Variants in CCDC190 observed in about 807,000 individuals in gnomAD.
CCDC190 encodes coiled-coil domain-containing protein 190.
Under a neutral mutation model 13.1 loss-of-function variants are expected in CCDC190, and 10 were observed. The ratio of observed to expected loss-of-function variants is 0.77; its 90% confidence interval spans 0.47 to 1.30. The LOEUF (loss-of-function observed/expected upper bound fraction) is 1.30, where lower values mean the gene tolerates loss of function less well. CCDC190 is among the 50% of genes most tolerant of loss of function. The pLI, the probability that CCDC190 is intolerant of heterozygous loss-of-function variation, is 0.00. For missense variants in CCDC190, 375 were observed against 354.3 expected, an observed-to-expected ratio of 1.06 and a Z score of -0.47; for synonymous variants, 136 against 127.2, an observed-to-expected ratio of 1.07 and a Z score of -0.47.
At chr1:162,865,020 T>C (rs758246632), upstream of CCDC190, among the ~76,000 whole-genome samples, 2 of 152,074 alleles carry the variant, frequency 1.3e-5, no homozygotes, top group Non-Finnish European at 2.9e-5. Flanking sequence ...AAAACACTTT[T>C]GTAAAGTATG....
At chr1:162,858,378 C>T (rs1650383317) in intron 2 of CCDC190, among the ~76,000 whole-genome samples, 1 of 152,172 alleles carries the variant, frequency 6.6e-6, no homozygotes, top group Non-Finnish European at 1.5e-5. Context: ...GCTTCTAAGA[C>T]CCTTTTCCAG....
intron 2 of CCDC190, among the ~76,000 whole-genome samples, chr1:162,856,499 C>T (rs1412484378): frequency 1.3e-5 from 2 of 152,170 alleles, no homozygotes; most frequent in Non-Finnish European, 2.9e-5. Flanking sequence ...TCCTACCCAC[C>T]TGTGAGTTTG....
intron 1 of CCDC190, among the ~76,000 whole-genome samples, chr1:162,860,006 AC>A (rs1386334168): frequency 6.6e-6 from 1 of 151,190 alleles, no homozygotes; most frequent in African/African-American, 2.4e-5. Context: ...GGCATTATTT[AC>A]CCAATAAGAA....
chr1:162,862,561 A>G (rs1334858242), upstream of CCDC190, among the ~76,000 whole-genome samples: 2 of 152,230 alleles, frequency 1.3e-5, no homozygotes, highest in African/African-American at 4.8e-5. Flanking sequence ...GACAGAAGGG[A>G]TGTGAGTGCA....
At position 162,861,156 on chromosome 1, in the gene CCDC190, G is replaced by T; in HGVS notation, c.-161C>A. On this transcript the variant is annotated 5_prime_UTR_variant, in exon 1 of 4. Transcript: ENST00000367912. ...TAGAGGGAGACCATTGGAGAGGGCT[G>T]CGAGGAGAATGTTAAATACACTTGA... 3.6e-6 allele frequency: 1 copy of T among 281,562 alleles called. No individual in the cohort carries two copies. Among genetic ancestry groups the T allele is most frequent in the Non-Finnish European group, 5.4e-6 (1 of 186,630 alleles). 17.4% of individuals were successfully genotyped at this position (281,562 alleles called of 1,614,324 possible). A position where few individuals can be genotyped will look rare whatever the true frequency, so the allele number is the denominator to read the frequency against.
intron 3 of CCDC190, 71 bp downstream of exon 3, chr1:162,855,561 A>G: frequency 6.3e-7 from 1 of 1,578,968 alleles, no homozygotes; most frequent in Non-Finnish European, 8.6e-7. Flanking sequence ...CTTCAGGAAA[A>G]CAGTTTAAAG....
In CCDC190 at chr1:162,854,560, A is replaced by G; in HGVS notation, c.*205T>C. ...ACATATCACTTAAAATATTTTCAGA[A>G]GATTCATTCTTCCTCTCCTTTTTCA... On this transcript the variant is annotated 3_prime_UTR_variant, in exon 4 of 4. Transcript: ENST00000367912. 1 of 1,353,648 alleles carries G rather than the reference A, an allele frequency of 7.4e-7. No individual in the cohort carries two copies. The highest frequency in any genetic ancestry group is 9.5e-7 in the Non-Finnish European group (1 of 1,055,658). The allele number at this position is 1,353,648 out of a possible 1,614,324, so 83.9% of individuals were successfully genotyped here. A position where few individuals can be genotyped will look rare whatever the true frequency, so the allele number is the denominator to read the frequency against.
intron 1 of CCDC190, among the ~76,000 whole-genome samples, chr1:162,867,275 A>G (rs1650740634): frequency 6.6e-6 from 1 of 152,188 alleles, no homozygotes; most frequent in Non-Finnish European, 1.5e-5. Flanking sequence ...ACTCTATTTA[A>G]AAATGCAAAA....
Position 162,852,152 on chromosome 1 carries a change from GT to G in CCDC190, c.*2612del, listed in dbSNP as rs1232252737. 1 of 152,188 alleles carries G rather than the reference GT, an allele frequency of 6.6e-6. No individual in the cohort carries two copies. The allele number at this position is 152,188 out of a possible 1,614,324, so 9.4% of individuals were successfully genotyped here. A position where few individuals can be genotyped will look rare whatever the true frequency, so the allele number is the denominator to read the frequency against. The stretch of plus-strand genomic sequence containing the variant: ...GATGTTTCGGGCTTGTTAATTCTTT[GT>G]TTTAGAGGGCTGCCCCATGTATTAT... On this transcript the variant is annotated 3_prime_UTR_variant, in exon 4 of 4. Coordinates refer to ENST00000367912, the MANE Select transcript of CCDC190 (RefSeq NM_001394065.1).
At chr1:162,868,003 T>C (rs1704758) in intron 1 of CCDC190, among the ~76,000 whole-genome samples, 103,422 of 152,108 alleles carry the variant, frequency 0.68, 36,392 homozygotes, top group Non-Finnish European at 0.78. Flanking sequence ...TTGCTGCATA[T>C]ATTTGTCGAA....
intron 2 of CCDC190, among the ~76,000 whole-genome samples, chr1:162,856,191 A>C (rs1650297277): frequency 6.6e-6 from 1 of 152,232 alleles, no homozygotes; most frequent in South Asian, 2.1e-4. Flanking sequence ...AACTAATATA[A>C]GAAGAAGAAA....
intron 2 of CCDC190, 90 bp from the exon 3 acceptor site, chr1:162,855,845 G>T: frequency 8.3e-7 from 1 of 1,197,928 alleles, no homozygotes; most frequent in Non-Finnish European, 1.2e-6. Flanking sequence ...CCTTAGGGTG[G>T]GACCTTATTT....
intron 2 of CCDC190, among the ~76,000 whole-genome samples, chr1:162,859,245 G>C (rs547944765): frequency 6.6e-6 from 1 of 152,244 alleles, no homozygotes; most frequent in Admixed American, 6.5e-5. Context: ...CCTGAGAAAT[G>C]TTAGCTCAAG....
At position 162,855,155 on chromosome 1, in the gene CCDC190, C is replaced by A. The variant is rs761324948; in HGVS notation, c.516G>T (p.Lys172Asn). 1 of 1,613,938 alleles carries A rather than the reference C, an allele frequency of 6.2e-7. No homozygotes were observed. The highest frequency in any genetic ancestry group is 8.5e-7 in the Non-Finnish European group (1 of 1,179,872). ...VNPSKDVDPSKGISVPCQNQE... is the reference protein window; with the variant it reads ...VNPSKDVDPSNGISVPCQNQE... ...GATTTTGGCATGGAACAGAGATGCCCTTGCTGGGGTCTACGTCCTTAGATG... is the reference window on the plus strand; with the variant it reads ...GATTTTGGCATGGAACAGAGATGCCATTGCTGGGGTCTACGTCCTTAGATG... Residue 172 changes from lysine (K) to asparagine (N), a missense_variant, in exon 4 of 4, where the codon AAG becomes AAT. Lys to Asn is a moderately conservative substitution (Grantham distance 94, BLOSUM62 0). Coordinates refer to ENST00000367912, the MANE Select transcript of CCDC190 (RefSeq NM_001394065.1).
At chr1:162,865,607 T>C (rs1206196624), upstream of CCDC190, among the ~76,000 whole-genome samples, 3 of 152,204 alleles carry the variant, frequency 2.0e-5, no homozygotes, top group African/African-American at 7.2e-5. Flanking sequence ...TATTTTCTCG[T>C]AACACAGGGT....
At chr1:162,867,381 G>A (rs543308522) in intron 1 of CCDC190, among the ~76,000 whole-genome samples, 4 of 152,152 alleles carry the variant, frequency 2.6e-5, no homozygotes, top group African/African-American at 4.8e-5. Context: ...TTAAAACAAC[G>A]AGGTAACCCT....
At position 162,855,645 on chromosome 1, in the gene CCDC190, C is replaced by A; in HGVS notation, c.298G>T (p.Ala100Ser). Residue 100 changes from alanine (A) to serine (S), a missense_variant, in exon 3 of 4, where the codon GCT becomes TCT. Coordinates refer to ENST00000367912, the MANE Select transcript of CCDC190 (RefSeq NM_001394065.1). ...QGRQKHRAPQ[A>S]KKMRALATRM... The stretch of plus-strand genomic sequence containing the variant: ...TCCATTTCTTACCTCATTTTCTTAG[C>A]CTGTGGGGCTCTGTGCTTCTGCCTT... 2 of 1,613,754 alleles carry A rather than the reference C, an allele frequency of 1.2e-6. No homozygotes were observed. The highest frequency in any genetic ancestry group is 1.7e-6 in the Non-Finnish European group (2 of 1,179,734).
In CCDC190 at chr1:162,859,455, C is replaced by G. The variant is rs745441821; in HGVS notation, c.187+5G>C. 6.2e-7 allele frequency: 1 copy of G among 1,612,026 alleles called. No individual in the cohort carries two copies. Among genetic ancestry groups the G allele is most frequent in the East Asian group, 2.2e-5 (1 of 44,844 alleles). ...CATCCTCCTCACCAGTCCTGAAAGT[C>G]TTACCTTGCTGCAACCTCTGCAGTT... On this transcript the variant is annotated splice_donor_5th_base_variant and intron_variant, in intron 2 of 3. Coordinates refer to ENST00000367912, the MANE Select transcript of CCDC190 (RefSeq NM_001394065.1).
rs756342720 is a variant in CCDC190, at chr1:162,855,269, C to T, written c.402G>A (p.Lys134=). Reference sequence around the variant, plus strand: ...TTTGAGAGAGTGGCTGCTTTTTGCTCTTCATGGGGTCTTTGAGGCCAGCAT... The same window carrying T: ...TTTGAGAGAGTGGCTGCTTTTTGCTTTTCATGGGGTCTTTGAGGCCAGCAT... ...SHDAGLKDPM[K]SKKQPLSQNN... Residue 134 remains lysine (K), a synonymous_variant, in exon 4 of 4, where the codon AAG becomes AAA. Coordinates refer to ENST00000367912, the MANE Select transcript of CCDC190 (RefSeq NM_001394065.1). 19 of 1,613,748 alleles carry T rather than the reference C, an allele frequency of 1.2e-5. No homozygotes were observed. Among genetic ancestry groups the T allele is most frequent in the Middle Eastern group, 1.6e-4 (1 of 6,084 alleles).
Sources: allele counts gnomAD v4.1 joint callset (sites outside exome capture counted in the v4.1 genomes callset), GRCh38; gene constraint gnomAD v4.1.1; transcripts MANE v1.5; gene names NCBI Gene and HGNC (gene_info 2026-07-23, HGNC 2026-07-21).